PDE3B: variants seen among roughly 807,000 people sequenced by gnomAD.
PDE3B encodes the protein phosphodiesterase 3B.
In PDE3B, 66 loss-of-function variants were observed where a neutral mutation model predicts 116.8. The observed-to-expected ratio is 0.56, with a 90% CI of 0.46 to 0.69. The LOEUF is 0.69. Among genes scored for constraint, PDE3B ranks in the 30% least tolerant of loss-of-function variants. PDE3B has a pLI of 0.00. For synonymous variants in PDE3B, 595 were observed against 533.6 expected (o/e 1.12, Z -1.59); for missense variants, 1,384 against 1,368.1 (o/e 1.01, Z -0.18).
chr11:14,885,672 T>C, the PDE3B span: 1 of 1,211,570 alleles, frequency 8.3e-7, no homozygotes, highest in Non-Finnish European at 1.2e-6. Flanking sequence ...TAGTTTCTTA[T>C]TAATCAGTAT....
chr11:14,874,032 T>A (rs1555009437), downstream of PDE3B, among the ~76,000 whole-genome samples: 1 of 152,164 alleles, frequency 6.6e-6, no homozygotes, highest in African/African-American at 2.4e-5. Flanking sequence ...TACTTCTACC[T>A]ATTTCTTTTT....
chr11:14,759,619 G>A (rs945753208), intron 1 of PDE3B, among the ~76,000 whole-genome samples: 7 of 150,910 alleles, frequency 4.6e-5, no homozygotes, highest in Admixed American at 2.6e-4. Context: ...CGTGGTCTCG[G>A]CTCACTGAAA....
chr11:14,846,955 C>T (rs1201068367), intron 12 of PDE3B, among the ~76,000 whole-genome samples: 1 of 151,988 alleles, frequency 6.6e-6, no homozygotes, highest in Non-Finnish European at 1.5e-5. Context: ...AACAAGGATA[C>T]CCAGGAATTG....
chr11:14,848,862 A>G (rs980819692), intron 12 of PDE3B, among the ~76,000 whole-genome samples: 1 of 152,238 alleles, frequency 6.6e-6, no homozygotes, highest in African/African-American at 2.4e-5. Context: ...ATGGAAGAAC[A>G]TTCCATGCTC....
At chr11:14,873,953 G>A (rs782410381), downstream of PDE3B, among the ~76,000 whole-genome samples, 3 of 152,122 alleles carry the variant, frequency 2.0e-5, no homozygotes, top group South Asian at 2.1e-4. Flanking sequence ...TTGGGAGGCC[G>A]AGGAGGGTGG....
chr11:14,806,838 G>A (rs576418293), intron 5 of PDE3B, among the ~76,000 whole-genome samples: 63 of 123,604 alleles, frequency 5.1e-4, no homozygotes, highest in African/African-American at 1.5e-3. Context: ...CAGCCTGGGC[G>A]ACAGAGTGAG....
At chr11:14,853,136 A>G (rs1226667909) in intron 12 of PDE3B, among the ~76,000 whole-genome samples, 1 of 151,494 alleles carries the variant, frequency 6.6e-6, no homozygotes, top group Non-Finnish European at 1.5e-5. Flanking sequence ...TTTCCTTTAG[A>G]TATCCGTATA....
At chr11:14,653,764 C>T (rs891514415) in intron 1 of PDE3B, among the ~76,000 whole-genome samples, 2 of 151,934 alleles carry the variant, frequency 1.3e-5, no homozygotes, top group Non-Finnish European at 1.5e-5. Context: ...TTTGGGAGGC[C>T]GAGGTGGGTG....
At chr11:14,685,481 A>T (rs1415592294) in intron 1 of PDE3B, among the ~76,000 whole-genome samples, 27 of 116,338 alleles carry the variant, frequency 2.3e-4, no homozygotes, top group Admixed American at 3.4e-4. Context: ...TTTAAGACAG[A>T]GTCTTGCTCT....
intron 1 of PDE3B, chr11:14,700,764 T>G (rs988680172): frequency 6.6e-6 from 1 of 151,794 alleles, no homozygotes; most frequent in African/African-American, 2.4e-5. Flanking sequence ...TTGCTTTCCT[T>G]TTCTGCACTG....
chr11:14,869,809 T>C lies in PDE3B; in HGVS notation c.*149T>C. ...TAATACTGTGAGAGGATCCTTGCTC[T>C]GCTGGCAGTTTCCCACTCCTATGCA... is the stretch of plus-strand genomic sequence containing the variant. On this transcript the variant is annotated 3_prime_UTR_variant, in exon 16 of 16. Coordinates refer to ENST00000282096, the MANE Select transcript of PDE3B (RefSeq NM_000922.4). 2 of 620,136 alleles carry C rather than the reference T, an allele frequency of 3.2e-6. No individual in the cohort carries two copies. The allele number at this position is 620,136 out of a possible 1,614,324, so 38.4% of individuals were successfully genotyped here. A position where few individuals can be genotyped will look rare whatever the true frequency, so the allele number is the denominator to read the frequency against.
chr11:14,781,904 T>G (rs1303781563), intron 2 of PDE3B, among the ~76,000 whole-genome samples: 2 of 152,174 alleles, frequency 1.3e-5, no homozygotes, highest in Non-Finnish European at 2.9e-5. Flanking sequence ...ATTGTATATC[T>G]AGAAAACCCC....
At chr11:14,763,584 TGA>T (rs1857417980) in intron 1 of PDE3B, among the ~76,000 whole-genome samples, 1 of 151,928 alleles carries the variant, frequency 6.6e-6, no homozygotes, top group Non-Finnish European at 1.5e-5. Flanking sequence ...AAAATGATGA[TGA>T]GAGAGAGAAT....
At chr11:14,779,256 C>T (rs1857893892) in intron 2 of PDE3B, among the ~76,000 whole-genome samples, 1 of 152,110 alleles carries the variant, frequency 6.6e-6, no homozygotes, top group African/African-American at 2.4e-5. Flanking sequence ...AGGATATTAT[C>T]CAGGAGAACT....
intron 1 of PDE3B, among the ~76,000 whole-genome samples, chr11:14,714,491 G>A (rs1309131382): frequency 6.8e-6 from 1 of 146,972 alleles, no homozygotes; most frequent in Non-Finnish European, 1.5e-5. Flanking sequence ...AGTGAGCCAT[G>A]CCTACACCTC....
chr11:14,666,285 A>G (rs1854145110), intron 1 of PDE3B, among the ~76,000 whole-genome samples: 4 of 149,602 alleles, frequency 2.7e-5, no homozygotes, highest in African/African-American at 7.5e-5. Context: ...AATTAATTCA[A>G]GATGGATTAA....
intron 12 of PDE3B, among the ~76,000 whole-genome samples, chr11:14,847,893 G>A (rs956926459): frequency 2.0e-5 from 3 of 151,998 alleles, no homozygotes; most frequent in Admixed American, 6.6e-5. Flanking sequence ...ATTCACAGCC[G>A]AATTCTACCA....
chr11:14,649,180 T>C (rs912524827), intron 1 of PDE3B, among the ~76,000 whole-genome samples: 7 of 152,208 alleles, frequency 4.6e-5, no homozygotes, highest in African/African-American at 1.7e-4. Flanking sequence ...TGGCAGGCCC[T>C]TCTCTCATTC....
intron 5 of PDE3B, among the ~76,000 whole-genome samples, chr11:14,811,962 G>A (rs1231434075): frequency 2.0e-5 from 3 of 152,126 alleles, no homozygotes; most frequent in East Asian, 3.8e-4. Flanking sequence ...TGGTGTATAA[G>A]AATGCTTGTG....
Sources: allele counts gnomAD v4.1 joint callset (sites outside exome capture counted in the v4.1 genomes callset), GRCh38; gene constraint gnomAD v4.1.1; transcripts MANE v1.5; gene names NCBI Gene and HGNC (gene_info 2026-07-23, HGNC 2026-07-21).